The following ABCA12 variants were observed in gnomAD, a reference collection of about 807,000 sequenced individuals.
ABCA12 encodes the protein ATP binding cassette subfamily A member 12.
In ABCA12, 156 loss-of-function variants were observed where a neutral mutation model predicts 293.5. That is an observed-to-expected ratio of 0.53 (90% CI 0.47 to 0.61). The LOEUF (loss-of-function observed/expected upper bound fraction) is 0.61, where lower values mean the gene tolerates loss of function less well. Ranked by LOEUF, ABCA12 falls within the 20% of genes least tolerant of loss-of-function variation. The pLI is 0.00. For synonymous variants in ABCA12, 1,063 were observed against 1,108.0 expected, an observed-to-expected ratio of 0.96 and a Z score of 0.81; for missense variants, 2,797 against 3,090.2, an observed-to-expected ratio of 0.91 and a Z score of 2.25.
intron 28 of ABCA12, among the ~76,000 whole-genome samples, chr2:214,986,221 C>T (rs921132853): frequency 2.0e-5 from 3 of 152,282 alleles, no homozygotes; most frequent in Middle Eastern, 6.8e-3. Flanking sequence ...AGATCAGTTA[C>T]TAATGAGCCC....
intron 2 of ABCA12, among the ~76,000 whole-genome samples, chr2:215,096,029 A>G (rs555671256): frequency 2.0e-5 from 3 of 152,314 alleles, no homozygotes; most frequent in Admixed American, 2.0e-4. Flanking sequence ...GACGTGCATA[A>G]CAATATGTAT....
chr2:215,073,819 T>C (rs1701784480), intron 2 of ABCA12, among the ~76,000 whole-genome samples: 1 of 152,190 alleles, frequency 6.6e-6, no homozygotes, highest in African/African-American at 2.4e-5. Context: ...TCCTCTCCTG[T>C]TACTATGATC....
intron 15 of ABCA12, 146 bp from the exon 16 acceptor site, chr2:215,012,281 C>T: frequency 1.4e-6 from 1 of 691,384 alleles, no homozygotes; most frequent in African/African-American, 1.8e-5. Flanking sequence ...AACACTCAAC[C>T]TGACAATTCC....
chr2:215,120,349 C>T (rs1281595045), intron 1 of ABCA12, among the ~76,000 whole-genome samples: 1 of 152,024 alleles, frequency 6.6e-6, no homozygotes, highest in East Asian at 1.9e-4. Context: ...ATGCAATATA[C>T]TCATCTAACA....
intron 2 of ABCA12, among the ~76,000 whole-genome samples, chr2:215,099,346 A>C (rs1702306892): frequency 6.6e-6 from 1 of 152,210 alleles, no homozygotes; most frequent in African/African-American, 2.4e-5. Flanking sequence ...CCAAATCCTG[A>C]CTGCAAACTC....
intron 37 of ABCA12, among the ~76,000 whole-genome samples, chr2:214,969,346 T>C (rs1446984904): frequency 6.6e-6 from 1 of 152,064 alleles, no homozygotes; most frequent in Admixed American, 6.6e-5. Context: ...AAACGAAAAG[T>C]TGATTTTTAA....
chr2:214,954,254 T>A, intron 43 of ABCA12, 147 bp from the exon 44 acceptor site: 4 of 810,022 alleles, frequency 4.9e-6, no homozygotes, highest in Non-Finnish European at 7.7e-6. Context: ...TGAATTTGCA[T>A]ACAAATATTT....
chr2:214,957,451 T>C (rs1467252086), intron 41 of ABCA12, among the ~76,000 whole-genome samples: 2 of 152,196 alleles, frequency 1.3e-5, no homozygotes, highest in African/African-American at 4.8e-5. Context: ...TTCACAGAAG[T>C]ATGTACTTGA....
At chr2:214,983,622 G>A (rs766859535) in intron 29 of ABCA12, 25 bp downstream of exon 29, 4 of 1,604,382 alleles carry the variant, frequency 2.5e-6, no homozygotes, top group Non-Finnish European at 3.4e-6. Context: ...TAGCAACTTA[G>A]GTTCTCATTC....
chr2:215,025,051 T>C (rs537208457), intron 11 of ABCA12, among the ~76,000 whole-genome samples: 1 of 152,312 alleles, frequency 6.6e-6, no homozygotes, highest in Non-Finnish European at 1.5e-5. Context: ...GATTTTTGTA[T>C]GCTGTGAAAT....
chr2:214,947,621 GAA>G, intron 47 of ABCA12, 65 bp from the exon 48 acceptor site: 4 of 1,382,382 alleles, frequency 2.9e-6, no homozygotes, highest in East Asian at 2.7e-5. Context: ...GCACTAAATG[GAA>G]AAAAAAAAGA....
chr2:214,960,570 A>G (rs977366608), intron 39 of ABCA12: 3 of 152,134 alleles, frequency 2.0e-5, no homozygotes, highest in African/African-American at 7.2e-5. Flanking sequence ...ATCCAGCATG[A>G]TGTCCAAAGT....
chr2:214,983,937 C>CCTTGTT (rs1699727742), intron 28 of ABCA12, 72 bp from the exon 29 acceptor site: 28 of 1,360,050 alleles, frequency 2.1e-5, no homozygotes, highest in Non-Finnish European at 2.7e-5. Flanking sequence ...AACTATATCT[C>CCTTGTT]AGTTGTTAGA....
In ABCA12 at chr2:215,025,701, G is replaced by A. The variant is rs1313592114; in HGVS notation, c.1259C>T (p.Pro420Leu). The A allele has an allele frequency of 1.2e-6, 2 of 1,610,328 alleles. No homozygotes were observed. Among genetic ancestry groups the A allele is most frequent in the African/African-American group, 2.7e-5 (2 of 74,482 alleles). ...TGATTTTAGGACTTCAGGAACTGGAGGAAAGTAATCTTCATAGGAACCATT... is the reference window on the plus strand; with the variant it reads ...TGATTTTAGGACTTCAGGAACTGGAAGAAAGTAATCTTCATAGGAACCATT... The part of the protein sequence containing the change: ...LRNGSYEDYF[P>L]PVPEVLKSKL... Residue 420 changes from proline to leucine, a missense_variant, in exon 11 of 53, where the codon CCT (proline) becomes CTT (leucine). Pro to Leu is a moderately conservative substitution (Grantham distance 98, BLOSUM62 -3). Around this residue, in one of 3 missense-constraint regions of ABCA12, gnomAD observed 656 missense variants for 638.2 expected, o/e 1.03. Coordinates refer to ENST00000272895, the MANE Select transcript of ABCA12 (RefSeq NM_173076.3).
intron 27 of ABCA12, 113 bp downstream of exon 27, chr2:214,987,534 G>A: frequency 7.7e-7 from 1 of 1,304,966 alleles, no homozygotes; most frequent in Non-Finnish European, 1.0e-6. Context: ...TTTCATCCAT[G>A]ACTAAAAGGA....
At chr2:214,957,883 G>A (rs535387650) in intron 41 of ABCA12, among the ~76,000 whole-genome samples, 7 of 152,272 alleles carry the variant, frequency 4.6e-5, no homozygotes, top group East Asian at 1.9e-4. Context: ...GCACAATTAC[G>A]TAAGGATATT....
At chr2:215,073,008 T>C (rs1478399576) in intron 2 of ABCA12, among the ~76,000 whole-genome samples, 4 of 152,120 alleles carry the variant, frequency 2.6e-5, no homozygotes, top group African/African-American at 9.7e-5. Context: ...GGCAGGAGAA[T>C]TGCTTGAACC....
At chr2:215,104,467 T>G (rs574571137) in intron 2 of ABCA12, among the ~76,000 whole-genome samples, 48 of 152,270 alleles carry the variant, frequency 3.2e-4, no homozygotes, top group African/African-American at 1.1e-3. Context: ...GCTGTAGTCA[T>G]CCCTGTGAGT....
chr2:215,049,439 C>T (rs919303486), intron 6 of ABCA12, among the ~76,000 whole-genome samples, 187 bp downstream of exon 6: 8 of 152,094 alleles, frequency 5.3e-5, no homozygotes, highest in South Asian at 2.1e-4. Context: ...GCATTGAAAT[C>T]GTTTCAACCT....
Sources: gnomAD v4.1 joint callset for allele counts (sites outside exome capture counted in the v4.1 genomes callset) on GRCh38, gnomAD v4.1.1 for gene constraint, gnomAD v4.1.1 regional missense constraint, MANE v1.5 for transcripts, NCBI Gene and HGNC (gene_info 2026-07-23, HGNC 2026-07-21) for gene names.